The following IMPG2 variants were observed in gnomAD, a reference collection of about 807,000 sequenced individuals.
IMPG2 encodes the protein interphotoreceptor matrix proteoglycan 2.
Under a neutral mutation model 129.2 loss-of-function variants are expected in IMPG2, and 91 were observed. The ratio of observed to expected loss-of-function variants is 0.70; its 90% CI spans 0.59 to 0.84. IMPG2 has a LOEUF of 0.84. IMPG2 is among the 40% of genes least tolerant of loss of function. The pLI, the probability that IMPG2 is intolerant of heterozygous loss-of-function variation, is 0.00. For missense variants in IMPG2, 1,430 were observed against 1,461.7 expected (o/e 0.98, Z 0.35); for synonymous variants, 510 against 517.7 (o/e 0.99, Z 0.20).
chr3:101,242,829 C>T lies in IMPG2; in HGVS notation c.2881G>A (p.Val961Met), dbSNP rs1458445353. Residue 961 changes from valine to methionine, a missense_variant, in exon 14 of 19, where the codon GTG becomes ATG. Physicochemically the swap from Val to Met is conservative, Grantham distance 21 (BLOSUM62 1). Coordinates refer to ENST00000193391, the MANE Select transcript of IMPG2 (RefSeq NM_016247.4). ...TTGGCAAACTTCATTCGACTGTTCA[C>T]CACAATGCTGCCATTTCTGAAGTTG... ...ILNFRNGSIV[V>M]NSRMKFANSV... 8.7e-6 allele frequency: 14 copies of T among 1,613,918 alleles called. No homozygotes were observed. Among genetic ancestry groups the T allele is most frequent in the Non-Finnish European group, 1.1e-5 (13 of 1,179,990 alleles).
intron 7 of IMPG2, among the ~76,000 whole-genome samples, chr3:101,271,252 T>G (rs1407647972): frequency 2.6e-5 from 4 of 152,268 alleles, no homozygotes; most frequent in Admixed American, 2.6e-4. Flanking sequence ...TTTTCAGAAC[T>G]AATACTTCCC....
chr3:101,283,317 T>C (rs72932492), intron 4 of IMPG2, among the ~76,000 whole-genome samples: 7,935 of 152,192 alleles, frequency 0.052, 713 homozygotes, highest in African/African-American at 0.18. Flanking sequence ...TGAGCCACCA[T>C]GCCAGCCACT....
chr3:101,319,458 A>G, intron 2 of IMPG2, 126 bp downstream of exon 2: 3 of 1,090,066 alleles, frequency 2.8e-6, no homozygotes, highest in African/African-American at 1.5e-5. Flanking sequence ...TCTTAGCAGT[A>G]GAAAGGTAGT....
At chr3:101,319,865 A>G in intron 1 of IMPG2, 33 bp from the exon 2 acceptor site, 2 of 1,602,310 alleles carry the variant, frequency 1.2e-6, no homozygotes, top group Non-Finnish European at 1.7e-6. Context: ...AGTCTTCGAT[A>G]ATGAAGATAC....
At chr3:101,296,398 A>G (rs1383579384) in intron 3 of IMPG2, among the ~76,000 whole-genome samples, 2 of 152,196 alleles carry the variant, frequency 1.3e-5, no homozygotes, top group African/African-American at 4.8e-5. Flanking sequence ...GCAGCCTTGA[A>G]TCCCAGGGAT....
intron 3 of IMPG2, among the ~76,000 whole-genome samples, chr3:101,297,187 C>T (rs1194386076): frequency 6.6e-6 from 1 of 152,216 alleles, no homozygotes; most frequent in African/African-American, 2.4e-5. Context: ...GGATTACAGG[C>T]GTGAGCCACC....
chr3:101,242,494 T>C (rs1017102648), intron 14 of IMPG2, among the ~76,000 whole-genome samples, 194 bp downstream of exon 14: 6 of 152,214 alleles, frequency 3.9e-5, no homozygotes, highest in East Asian at 1.9e-4. Flanking sequence ...GTTTGGACGA[T>C]GTTTTGAAAA....
At chr3:101,264,622 C>T (rs1027117579) in intron 9 of IMPG2, among the ~76,000 whole-genome samples, 1 of 152,090 alleles carries the variant, frequency 6.6e-6, no homozygotes, top group Non-Finnish European at 1.5e-5. Flanking sequence ...GGAAGCATTT[C>T]CTCCAAGAAC....
chr3:101,239,522 G>A (rs1259317827), intron 14 of IMPG2, among the ~76,000 whole-genome samples: 2 of 152,216 alleles, frequency 1.3e-5, no homozygotes, highest in Non-Finnish European at 2.9e-5. Context: ...GGAAGACAGT[G>A]TGGTGATTCC....
chr3:101,273,893 T>A, intron 6 of IMPG2, 151 bp from the exon 7 acceptor site: 1 of 813,450 alleles, frequency 1.2e-6, no homozygotes, highest in Non-Finnish European at 2.0e-6. Flanking sequence ...ACAAATTGGG[T>A]AGACTTTAAG....
At chr3:101,277,089 A>G in intron 4 of IMPG2, among the ~76,000 whole-genome samples, 1 of 152,164 alleles carries the variant, frequency 6.6e-6, no homozygotes, top group East Asian at 1.9e-4. Flanking sequence ...ATGCATAGCA[A>G]TTTAATTAAA....
chr3:101,291,448 A>C, intron 4 of IMPG2, 31 bp downstream of exon 4: 2 of 1,597,658 alleles, frequency 1.3e-6, no homozygotes, highest in Non-Finnish European at 1.7e-6. Flanking sequence ...TGTGTTGCCA[A>C]ACATGAATTT....
At chr3:101,256,153 GAAAGAAA>G (rs1706600418) in intron 10 of IMPG2, among the ~76,000 whole-genome samples, 1 of 71,682 alleles carries the variant, frequency 1.4e-5, no homozygotes, top group Non-Finnish European at 3.0e-5. Context: ...AGAAAAGAAA[GAAAGAAA>G]GAAAGAAAGA....
intron 2 of IMPG2, among the ~76,000 whole-genome samples, chr3:101,310,702 A>C (rs1201634061): frequency 6.6e-6 from 1 of 152,192 alleles, no homozygotes; most frequent in Non-Finnish European, 1.5e-5. Flanking sequence ...TTTCTGTTTA[A>C]AATGTTTTCA....
At chr3:101,244,933 C>G (rs1706459977) in intron 12 of IMPG2, 146 bp from the exon 13 acceptor site, 8 of 692,616 alleles carry the variant, frequency 1.2e-5, no homozygotes, top group South Asian at 3.4e-5. Context: ...TAGCAAACAA[C>G]AAGAAGATCT....
At chr3:101,265,100 T>A (rs1191397945) in intron 9 of IMPG2, among the ~76,000 whole-genome samples, 1 of 152,046 alleles carries the variant, frequency 6.6e-6, no homozygotes, top group Non-Finnish European at 1.5e-5. Flanking sequence ...GAATTAAAAT[T>A]GTTACAATGA....
At position 101,243,809 on chromosome 3, in the gene IMPG2, T is replaced by C. The variant is rs776689778; in HGVS notation, c.2522A>G (p.Glu841Gly). The change falls in exon 13 of 19, where the codon GAA becomes GGA. Residue 841 changes from glutamate to glycine, a missense_variant. Physicochemically the swap from Glu to Gly is moderately conservative, Grantham distance 98 (BLOSUM62 -2). Coordinates refer to ENST00000193391, the MANE Select transcript of IMPG2 (RefSeq NM_016247.4). ...GTAATCTGTGCCTATCCGGTCCAGT[T>C]CTAACGAAATATCCTGTACACCCAT... ...VIMGVQDISLELDRIGTDYYQ... is the reference protein window; with the variant it reads ...VIMGVQDISLGLDRIGTDYYQ... The C allele has an allele frequency of 6.2e-7, 1 of 1,614,198 alleles. No individual in the cohort carries two copies. The highest frequency in any genetic ancestry group is 2.2e-5 in the East Asian group (1 of 44,892).
chr3:101,234,705 G>C (rs1559640252), intron 14 of IMPG2, among the ~76,000 whole-genome samples: 1 of 152,202 alleles, frequency 6.6e-6, no homozygotes, highest in African/African-American at 2.4e-5. Flanking sequence ...CCAGCAGTGA[G>C]GGATAGGAGT....
rs745597530 is a variant in IMPG2 at position 101,229,523 on chromosome 3, C to A, written c.3490G>T (p.Glu1164Ter). 1.2e-6 allele frequency: 2 copies of A among 1,613,966 alleles called. No homozygotes were observed. Among genetic ancestry groups the A allele is most frequent in the South Asian group, 2.2e-5 (2 of 91,068 alleles). ...ENAVKYNPVYESHRAGCEKYE... is the reference protein window; with the variant it reads ...ENAVKYNPVY ...TTCTCACATCCAGCCCTGTGACTTT[C>A]ATACACGGGGTTGTACTTCACAGCA... The change falls in exon 17 of 19, where the codon GAA becomes TAA. Residue 1164 changes from glutamate (E) to a stop codon, truncating the protein, a stop_gained. Coordinates refer to ENST00000193391, the MANE Select transcript of IMPG2 (RefSeq NM_016247.4). LOFTEE classifies it high-confidence loss of function.
Sources: allele counts gnomAD v4.1 joint callset (sites outside exome capture counted in the v4.1 genomes callset), GRCh38; gene constraint gnomAD v4.1.1; transcripts MANE v1.5; gene names NCBI Gene and HGNC (gene_info 2026-07-23, HGNC 2026-07-21).